Variants in ZYG11A observed in about 807,000 individuals in gnomAD.
ZYG11A encodes the protein zyg-11 family member A, cell cycle regulator.
Under a neutral mutation model 77.2 loss-of-function variants are expected in ZYG11A, and 62 were observed. That is an observed-to-expected ratio of 0.80 (90% confidence interval 0.65 to 0.99). The LOEUF (loss-of-function observed/expected upper bound fraction) is 0.99. Among genes scored for constraint, ZYG11A ranks in the 50% least tolerant of loss-of-function variants. The pLI is 0.00. For missense variants in ZYG11A, 828 were observed against 896.8 expected, an observed-to-expected ratio of 0.92 and a Z score of 0.98; for synonymous variants, 315 against 324.6, an observed-to-expected ratio of 0.97 and a Z score of 0.32.
intron 13 of ZYG11A, 21 bp downstream of exon 13, chr1:52,887,074 C>G: frequency 7.8e-7 from 1 of 1,286,204 alleles, no homozygotes; most frequent in Non-Finnish European, 1.1e-6. Flanking sequence ...AACATATATT[C>G]AAAACATAAT....
intron 4 of ZYG11A, among the ~76,000 whole-genome samples, chr1:52,862,083 C>T (rs1174908782): frequency 1.3e-5 from 2 of 151,504 alleles, no homozygotes; most frequent in African/African-American, 4.8e-5. Flanking sequence ...GTGGCAGGTG[C>T]CTGTAATCCC....
chr1:52,852,367 A>C (rs978775082), intron 1 of ZYG11A, among the ~76,000 whole-genome samples: 6 of 135,760 alleles, frequency 4.4e-5, no homozygotes, highest in African/African-American at 1.6e-4. Flanking sequence ...TTTTAGAGCA[A>C]ATTTTTTTTT....
At chr1:52,863,528 T>G (rs1256010702) in intron 4 of ZYG11A, among the ~76,000 whole-genome samples, 1 of 152,228 alleles carries the variant, frequency 6.6e-6, no homozygotes, top group Non-Finnish European at 1.5e-5. Flanking sequence ...GGCCACTCTT[T>G]CCATAACTAC....
intron 1 of ZYG11A, among the ~76,000 whole-genome samples, chr1:52,850,766 T>C (rs1462470086): frequency 6.6e-6 from 1 of 152,218 alleles, no homozygotes; most frequent in African/African-American, 2.4e-5. Context: ...GTGTATTTTT[T>C]CAACTCTAGA....
intron 8 of ZYG11A, among the ~76,000 whole-genome samples, chr1:52,875,813 G>A (rs1056083933): frequency 3.7e-4 from 53 of 141,416 alleles, no homozygotes; most frequent in Admixed American, 7.7e-4. Flanking sequence ...ATGCAAGTAG[G>A]TTGGTAGCTT....
chr1:52,842,768 C>G lies in ZYG11A; in HGVS notation c.-116C>G. ...CGCCGGCAGGGCGCGGCGCTAGCTC[C>G]GTGTGCCTCGCAGGCGTGGTGGGCG... On this transcript the variant is annotated 5_prime_UTR_variant, in exon 1 of 14. Transcript: ENST00000371528. The G allele has an allele frequency of 5.1e-6, 5 of 985,828 alleles. No individual in the cohort carries two copies. Among genetic ancestry groups the G allele is most frequent in the South Asian group, 1.5e-5 (1 of 65,758 alleles). 61.1% of individuals were successfully genotyped at this position (985,828 alleles called of 1,614,324 possible). A position where few individuals can be genotyped will look rare whatever the true frequency, so the allele number is the denominator to read the frequency against.
At chr1:52,846,747 ACG>A (rs1645592945) in intron 1 of ZYG11A, among the ~76,000 whole-genome samples, 1 of 152,146 alleles carries the variant, frequency 6.6e-6, no homozygotes, top group Non-Finnish European at 1.5e-5. Flanking sequence ...TTAATTTTTA[ACG>A]TGGTATATGT....
rs10682296 is a variant in ZYG11A at position 52,880,066 on chromosome 1, C to CTTTTT, written c.1750-1388_1750-1384dup. On this transcript the variant is annotated intron_variant, in intron 10 of 13. Coordinates refer to ENST00000371528, the MANE Select transcript of ZYG11A (RefSeq NM_001004339.3). ...GGCATGAGCTACCGCACCCAGCCCA[C>CTTTTT]TTTTTTTTTTTTTTTTTTTTTGAGA... Among the ~76,000 whole-genome samples the CTTTTT allele has an allele frequency of 3.5e-4, 39 of 110,110 alleles. 1 individual carries two copies. Among genetic ancestry groups the CTTTTT allele is most frequent in the African/African-American group, 8.1e-4 (22 of 27,078 alleles). 72.2% of individuals were successfully genotyped at this position (110,110 alleles called of 152,430 possible).
At chr1:52,891,267 T>C (rs986891992) in intron 13 of ZYG11A, among the ~76,000 whole-genome samples, 1 of 151,938 alleles carries the variant, frequency 6.6e-6, no homozygotes, top group Non-Finnish European at 1.5e-5. Context: ...GTCTGAACTT[T>C]TTATTTGCTT....
At chr1:52,846,724 A>G (rs1315632816) in intron 1 of ZYG11A, among the ~76,000 whole-genome samples, 1 of 152,120 alleles carries the variant, frequency 6.6e-6, no homozygotes, top group Non-Finnish European at 1.5e-5. Flanking sequence ...TGTATTTTAA[A>G]GATTGCTAAG....
chr1:52,881,055 A>G (rs1646354877), intron 10 of ZYG11A, among the ~76,000 whole-genome samples: 1 of 152,268 alleles, frequency 6.6e-6, no homozygotes, highest in South Asian at 2.1e-4. Flanking sequence ...GTTAAAAGAT[A>G]ACGTAACATT....
intron 1 of ZYG11A, among the ~76,000 whole-genome samples, chr1:52,847,823 C>A (rs1645622410): frequency 6.9e-6 from 1 of 144,096 alleles, no homozygotes; most frequent in African/African-American, 2.6e-5. Context: ...GTGTGTGCCA[C>A]CACGCCTTGC....
chr1:52,858,028 C>T (rs1375164588), intron 3 of ZYG11A, among the ~76,000 whole-genome samples: 1 of 151,458 alleles, frequency 6.6e-6, no homozygotes, highest in Non-Finnish European at 1.5e-5. Flanking sequence ...CTCAGGTGAT[C>T]TGCTTGCCTC....
intron 1 of ZYG11A, among the ~76,000 whole-genome samples, chr1:52,848,775 G>A (rs1393897521): frequency 6.6e-6 from 1 of 152,160 alleles, no homozygotes; most frequent in Non-Finnish European, 1.5e-5. Context: ...GCTGAGGCAC[G>A]AGAATGGCTT....
At chr1:52,867,903 C>T (rs1646056260) in intron 8 of ZYG11A, 126 bp downstream of exon 8, 1 of 692,586 alleles carries the variant, frequency 1.4e-6, no homozygotes, top group Admixed American at 3.2e-5. Context: ...ACTTTCTCCC[C>T]AGAAGAAACT....
intron 8 of ZYG11A, among the ~76,000 whole-genome samples, chr1:52,871,614 A>C (rs1423730621): frequency 6.6e-6 from 1 of 151,584 alleles, no homozygotes; most frequent in African/African-American, 2.4e-5. Context: ...CTCCTGCCTC[A>C]GTCTCCTGAG....
chr1:52,879,920 G>A (rs1369120675), intron 10 of ZYG11A, among the ~76,000 whole-genome samples: 1 of 151,518 alleles, frequency 6.6e-6, no homozygotes, highest in Non-Finnish European at 1.5e-5. Context: ...GCGCCACCAC[G>A]CCCAGCTAAT....
intron 11 of ZYG11A, among the ~76,000 whole-genome samples, chr1:52,882,834 T>A (rs983895351): frequency 1.3e-5 from 2 of 152,108 alleles, no homozygotes; most frequent in Admixed American, 6.6e-5. Flanking sequence ...TTTATTTTCA[T>A]TTTTTTGTTT....
At chr1:52,885,971 C>T (rs906639345) in intron 12 of ZYG11A, 77 bp downstream of exon 12, 27 of 1,198,948 alleles carry the variant, frequency 2.3e-5, no homozygotes, top group African/African-American at 3.1e-5. Flanking sequence ...CTTGCTCAGT[C>T]GCCCAGGCTG....
Sources: gnomAD v4.1 joint callset for allele counts (sites outside exome capture counted in the v4.1 genomes callset) on GRCh38, gnomAD v4.1.1 for gene constraint, MANE v1.5 for transcripts, NCBI Gene and HGNC (gene_info 2026-07-23, HGNC 2026-07-21) for gene names.